The following TPO variants were observed in gnomAD, a reference collection of about 807,000 sequenced individuals.
TPO encodes the protein thyroid peroxidase, also known as thyroid microsomal antigen.
In TPO, 78 loss-of-function variants were observed where a neutral mutation model predicts 96.9. The observed-to-expected ratio is 0.81, with a 90% CI of 0.67 to 0.97. TPO has a LOEUF of 0.97. Ranked by LOEUF, TPO falls within the 50% of genes least tolerant of loss-of-function variation. TPO has a pLI of 0.00. For synonymous variants in TPO, 547 were observed against 538.0 expected, an observed-to-expected ratio of 1.02 and a Z score of -0.23; for missense variants, 1,252 against 1,274.8, an observed-to-expected ratio of 0.98 and a Z score of 0.27.
At position 1,477,285 on chromosome 2, in the gene TPO, T is replaced by C; in HGVS notation, c.1019T>C (p.Leu340Pro). 1 of 1,595,958 alleles carries C rather than the reference T, an allele frequency of 6.3e-7. No homozygotes were observed. The highest frequency in any genetic ancestry group is 2.3e-5 in the East Asian group (1 of 44,158). The change falls in exon 8 of 17, where the codon CTG (leucine) becomes CCG (proline). Residue 340 changes from leucine (L) to proline (P), a missense_variant. Coordinates refer to ENST00000329066, the MANE Select transcript of TPO (RefSeq NM_001206744.2). ...YGSSPALERQ[L>P]RNWTSAEGLL... Reference sequence around the variant, plus strand: ...AGCTCCCCGGCCCTAGAGAGGCAGCTGCGGAACTGGACCAGTGCCGAAGGG... The same window carrying C: ...AGCTCCCCGGCCCTAGAGAGGCAGCCGCGGAACTGGACCAGTGCCGAAGGG...
At chr2:1,475,825 G>A (rs1353105866) in intron 7 of TPO, among the ~76,000 whole-genome samples, 1 of 152,208 alleles carries the variant, frequency 6.6e-6, no homozygotes, top group Non-Finnish European at 1.5e-5. Context: ...CTGGGGCCTC[G>A]TTGCTGCCCC....
chr2:1,529,975 C>T (rs1422418231), intron 15 of TPO, among the ~76,000 whole-genome samples: 1 of 118,250 alleles, frequency 8.5e-6, no homozygotes, highest in South Asian at 2.9e-4. Context: ...CCCGAAAACA[C>T]CCCTCACTGT....
intron 5 of TPO, among the ~76,000 whole-genome samples, chr2:1,446,207 C>A (rs1666800854): frequency 6.6e-6 from 1 of 152,152 alleles, no homozygotes; most frequent in Non-Finnish European, 1.5e-5. Context: ...CAGAGGTGAC[C>A]ATTGCTTTGA....
intron 13 of TPO, among the ~76,000 whole-genome samples, chr2:1,503,385 G>A (rs1404090332): frequency 6.6e-6 from 1 of 152,248 alleles, no homozygotes; most frequent in Non-Finnish European, 1.5e-5. Context: ...GCCAGAAAAG[G>A]AACATTATTT....
At chr2:1,463,055 A>G (rs1201616665) in intron 7 of TPO, among the ~76,000 whole-genome samples, 1 of 152,250 alleles carries the variant, frequency 6.6e-6, no homozygotes, top group East Asian at 1.9e-4. Flanking sequence ...CAATAAAATT[A>G]TTTGTAAACA....
intron 3 of TPO, among the ~76,000 whole-genome samples, chr2:1,426,942 G>A (rs963963095): frequency 6.6e-6 from 1 of 152,174 alleles, no homozygotes; most frequent in Non-Finnish European, 1.5e-5. Context: ...ATGGCCCTAG[G>A]CTTTTGGAAA....
chr2:1,469,209 A>T (rs1345959706), intron 7 of TPO, among the ~76,000 whole-genome samples: 1 of 152,102 alleles, frequency 6.6e-6, no homozygotes, highest in Non-Finnish European at 1.5e-5. Context: ...TTTTCAGGTA[A>T]ATCAGGGATT....
Position 1,420,499 on chromosome 2 carries a change from T to C in TPO, c.95-2546T>C, listed in dbSNP as rs565264437. 1.4e-3 allele frequency among the ~76,000 whole-genome samples: 217 copies of C among 152,210 alleles called. 1 individual carries two copies. Among genetic ancestry groups the C allele is most frequent in the Non-Finnish European group, 2.3e-3 (158 of 68,010 alleles). On this transcript the variant is annotated intron_variant, in intron 2 of 16. Coordinates refer to ENST00000329066, the MANE Select transcript of TPO (RefSeq NM_001206744.2). ...AAAGATCAGCAGGATCAAAATTTCA[T>C]AAAGGAAGAGCTGGGAGCTTGAGAT...
chr2:1,534,699 A>C (rs1344634330), intron 15 of TPO, among the ~76,000 whole-genome samples: 25 of 86,040 alleles, frequency 2.9e-4, no homozygotes, highest in Non-Finnish European at 3.4e-4. Flanking sequence ...AAAATCCCCC[A>C]CACAGTGTGC....
At position 1,496,736 on chromosome 2, in the gene TPO, G is replaced by A. The variant is rs1194329219; in HGVS notation, c.2357G>A (p.Gly786Glu). The A allele has an allele frequency of 6.2e-7, 1 of 1,614,170 alleles. No individual in the cohort carries two copies. Residue 786 changes from glycine to glutamate, a missense_variant, in exon 13 of 17, where the codon GGA becomes GAA. By Grantham distance (98) the Gly-to-Glu change is moderately conservative (BLOSUM62 -2). Transcript: ENST00000329066. ...GAGCAGCTCACTTGCACCCAGGAAG[G>A]ATGGGATTTCCAGCCTCCCCTCTGC... ...GREQLTCTQE[G>E]WDFQPPLCKD...
At chr2:1,456,002 A>G (rs1667747803) in intron 6 of TPO, 74 bp from the exon 7 acceptor site, 1 of 1,466,628 alleles carries the variant, frequency 6.8e-7, no homozygotes, top group Admixed American at 1.9e-5. Flanking sequence ...CAGGAAGTGC[A>G]TGATCCCAAA....
intron 8 of TPO, among the ~76,000 whole-genome samples, chr2:1,480,319 A>G (rs1670421030): frequency 6.6e-6 from 1 of 151,948 alleles, no homozygotes; most frequent in African/African-American, 2.4e-5. Flanking sequence ...TAAAATAATA[A>G]GTTGTGTTTA....
intron 15 of TPO, among the ~76,000 whole-genome samples, chr2:1,529,262 C>G (rs1203938539): frequency 1.2e-5 from 1 of 84,800 alleles, no homozygotes. Context: ...CCACTCTGTG[C>G]AACCTCCTCA....
At chr2:1,436,877 A>C (rs1665627153) in intron 5 of TPO, among the ~76,000 whole-genome samples, 1 of 151,958 alleles carries the variant, frequency 6.6e-6, no homozygotes, top group Non-Finnish European at 1.5e-5. Context: ...TGCTTTCCCC[A>C]TTCACGCTCC....
intron 2 of TPO, among the ~76,000 whole-genome samples, chr2:1,416,443 C>T (rs1003491449): frequency 6.6e-6 from 1 of 152,208 alleles, no homozygotes; most frequent in East Asian, 1.9e-4. Flanking sequence ...AACTTTGTAA[C>T]ATGTTTTTTA....
chr2:1,501,506 T>C (rs1321553271), intron 13 of TPO, among the ~76,000 whole-genome samples: 2 of 152,174 alleles, frequency 1.3e-5, no homozygotes, highest in Non-Finnish European at 2.9e-5. Flanking sequence ...TGACCGTGGG[T>C]GGAGCGTTGT....
chr2:1,431,749 C>T (rs73170207), intron 3 of TPO, among the ~76,000 whole-genome samples: 4,535 of 152,264 alleles, frequency 0.03, 241 homozygotes, highest in African/African-American at 0.1. Flanking sequence ...ACTCAGTAAG[C>T]ACTATGTATT....
At chr2:1,483,169 A>T (rs944470463) in intron 8 of TPO, among the ~76,000 whole-genome samples, 1 of 152,198 alleles carries the variant, frequency 6.6e-6, no homozygotes, top group Non-Finnish European at 1.5e-5. Context: ...ACACTGAGGA[A>T]GTACAGTGTC....
chr2:1,432,101 G>A (rs62105613), intron 3 of TPO, among the ~76,000 whole-genome samples: 5,199 of 152,374 alleles, frequency 0.034, 106 homozygotes, highest in Middle Eastern at 0.11. Context: ...AGCCAGGGCA[G>A]CTGTCTGGAG....
Sources: gnomAD v4.1 joint callset for allele counts (sites outside exome capture counted in the v4.1 genomes callset) on GRCh38, gnomAD v4.1.1 for gene constraint, MANE v1.5 for transcripts, NCBI Gene and HGNC (gene_info 2026-07-23, HGNC 2026-07-21) for gene names.